Variants in HPCAL1 observed in about 807,000 individuals in gnomAD.
HPCAL1 encodes the protein hippocalcin like 1, also known as hippocalcin-like protein 1.
A neutral mutation model predicts 17.1 loss-of-function variants in HPCAL1; 8 were observed. The ratio of observed to expected loss-of-function variants is 0.47; its 90% CI spans 0.27 to 0.84. HPCAL1 has a LOEUF of 0.84. Among genes scored for constraint, HPCAL1 ranks in the 40% least tolerant of loss-of-function variants. The pLI is 0.13. For synonymous variants in HPCAL1, 112 were observed against 111.4 expected (o/e 1.01, Z -0.03); for missense variants, 165 against 271.1 (o/e 0.61, Z 2.75).
intron 1 of HPCAL1, among the ~76,000 whole-genome samples, chr2:10,340,447 G>T (rs1665005962): frequency 6.6e-6 from 1 of 152,164 alleles, no homozygotes; most frequent in Admixed American, 6.5e-5. Context: ...TTATTAATGT[G>T]CCTTTAACGT....
intron 1 of HPCAL1, among the ~76,000 whole-genome samples, chr2:10,381,350 C>T (rs558863461): frequency 1.5e-4 from 23 of 152,340 alleles, no homozygotes; most frequent in African/African-American, 2.4e-4. Context: ...TCTCCCTTCC[C>T]GCTGTGTGGC....
intron 1 of HPCAL1, among the ~76,000 whole-genome samples, chr2:10,353,859 G>A (rs1021314864): frequency 1.3e-5 from 2 of 152,182 alleles, no homozygotes; most frequent in African/African-American, 2.4e-5. Flanking sequence ...ACCACACCTG[G>A]TCTCAAATAA....
intron 2 of HPCAL1, among the ~76,000 whole-genome samples, chr2:10,415,701 A>T (rs1280455090): frequency 3.3e-5 from 5 of 152,134 alleles, no homozygotes; most frequent in Non-Finnish European, 7.4e-5. Flanking sequence ...CCACCCTGCC[A>T]TCCCTGTTAT....
In HPCAL1 at chr2:10,331,420, C is replaced by T. The variant is rs551886969; in HGVS notation, c.-111+28243C>T. On this transcript the variant is annotated intron_variant, in intron 1 of 4. Transcript: ENST00000307845. This position sits in a 1 kb window ranked among gnomAD's most constrained non-coding sequence, Gnocchi z 5.0. ...AGTTCTGCAGGCACGGGGCTGGCTC[C>T]TTTCTTCATGTCCCTTGTCCCACAG... Among the ~76,000 whole-genome samples the T allele has an allele frequency of 1.8e-3, 276 of 152,360 alleles. 1 individual carries two copies. Among genetic ancestry groups the T allele is most frequent in the African/African-American group, 6.3e-3 (262 of 41,590 alleles).
intron 1 of HPCAL1, among the ~76,000 whole-genome samples, chr2:10,360,575 C>T (rs1000121203): frequency 2.6e-5 from 4 of 152,116 alleles, no homozygotes; most frequent in African/African-American, 9.7e-5. Flanking sequence ...CCACACCTGG[C>T]AAAATTTTTG....
chr2:10,427,164 C>T lies in HPCAL1; in HGVS notation c.*343C>T, dbSNP rs1289617873. The T allele has an allele frequency of 2.3e-5, 6 of 260,622 alleles. No homozygotes were observed. Among genetic ancestry groups the T allele is most frequent in the South Asian group, 5.1e-5 (1 of 19,746 alleles). 16.1% of individuals were successfully genotyped at this position (260,622 alleles called of 1,614,324 possible). A position where few individuals can be genotyped will look rare whatever the true frequency, so the allele number is the denominator to read the frequency against. Reference sequence around the variant, plus strand: ...GGACCTCCCGAGGCTGCGCCCCGGCCGGCCCATGCGTTTTGTGATCCCAAG... The same window carrying T: ...GGACCTCCCGAGGCTGCGCCCCGGCTGGCCCATGCGTTTTGTGATCCCAAG... On this transcript the variant is annotated 3_prime_UTR_variant, in exon 5 of 5. Transcript: ENST00000307845.
rs575953389 is a variant in HPCAL1, at chr2:10,368,218, C to T, written c.-110-28617C>T. ...GTGCATACGTGTGTGTAGGGGTGTG[C>T]GTGTGTACACATATGCATGTGTGTG... On this transcript the variant is annotated intron_variant, in intron 1 of 4. Transcript: ENST00000307845. 5.5e-3 allele frequency among the ~76,000 whole-genome samples: 728 copies of T among 133,564 alleles called. 37 individuals carry two copies. The highest frequency in any genetic ancestry group is 1.0e-3 in the Non-Finnish European group (63 of 62,810). The allele number at this position is 133,564 out of a possible 152,430, so 87.6% of individuals were successfully genotyped here. A position where few individuals can be genotyped will look rare whatever the true frequency, so the allele number is the denominator to read the frequency against.
At chr2:10,380,150 C>T (rs2125535882) in intron 1 of HPCAL1, among the ~76,000 whole-genome samples, 1 of 152,326 alleles carries the variant, frequency 6.6e-6, no homozygotes, top group East Asian at 1.9e-4. Context: ...TTCCCTTGGC[C>T]ACAGTAGATT....
Position 10,333,623 on chromosome 2 carries a change from T to C in HPCAL1, c.-111+30446T>C, listed in dbSNP as rs140182336. 6.2e-3 allele frequency among the ~76,000 whole-genome samples: 949 copies of C among 152,364 alleles called. 11 individuals are homozygous for C. The highest frequency in any genetic ancestry group is 0.021 in the African/African-American group (882 of 41,586). On this transcript the variant is annotated intron_variant, in intron 1 of 4. Transcript: ENST00000307845. ...TGTTCAGCTGTGGCCATTTTGGCTT[T>C]GAGTTTGATTTGATTTTTGAAGAAA...
Position 10,310,090 on chromosome 2 carries a change from A to C in HPCAL1, c.-111+6913A>C, listed in dbSNP as rs1046269592. Among the ~76,000 whole-genome samples, 23 of 152,188 alleles carry C rather than the reference A, an allele frequency of 1.5e-4. No homozygotes were observed. Among genetic ancestry groups the C allele is most frequent in the Non-Finnish European group, 3.2e-4 (22 of 68,030 alleles). ...TCTCTGAATCTGTTTGCTCAGGTGC[A>C]GAAAGGGGTTTTAGGCTGAGCTCAG... is the stretch of plus-strand genomic sequence containing the variant. On this transcript the variant is annotated intron_variant, in intron 1 of 4. Transcript: ENST00000307845. This position sits in a 1 kb window ranked among gnomAD's most constrained non-coding sequence, Gnocchi z 4.5.
chr2:10,382,513 A>G (rs1668018641), intron 1 of HPCAL1, among the ~76,000 whole-genome samples: 1 of 151,262 alleles, frequency 6.6e-6, no homozygotes, highest in African/African-American at 2.4e-5. Context: ...TAGGGAGGGC[A>G]GGAGGTATGT....
At chr2:10,350,319 CTTTT>C (rs34432791) in intron 1 of HPCAL1, among the ~76,000 whole-genome samples, 15 of 130,178 alleles carry the variant, frequency 1.2e-4, no homozygotes, top group Admixed American at 1.6e-4. Context: ...AATCTATGTC[CTTTT>C]TTTTTTTTTT....
chr2:10,319,002 C>T (rs1663501427), intron 1 of HPCAL1, among the ~76,000 whole-genome samples: 2 of 152,314 alleles, frequency 1.3e-5, no homozygotes, highest in Admixed American at 1.3e-4. Context: ...CCACAGCCTC[C>T]CTTTCGCAGG....
chr2:10,385,097 CAAAA>C (rs34671924), intron 1 of HPCAL1, among the ~76,000 whole-genome samples: 1 of 140,698 alleles, frequency 7.1e-6, no homozygotes, highest in Non-Finnish European at 1.6e-5. Flanking sequence ...GACTCCGTCT[CAAAA>C]AAAAAAAAAA....
intron 2 of HPCAL1, among the ~76,000 whole-genome samples, chr2:10,407,785 G>C (rs1558525718): frequency 6.6e-6 from 1 of 152,214 alleles, no homozygotes; most frequent in Non-Finnish European, 1.5e-5. Flanking sequence ...GCTGGAACAC[G>C]CTGAGCAGCT....
At chr2:10,403,083 T>C (rs1041768760) in intron 2 of HPCAL1, among the ~76,000 whole-genome samples, 2 of 152,150 alleles carry the variant, frequency 1.3e-5, no homozygotes, top group Admixed American at 6.5e-5. Context: ...AGCAGGGACC[T>C]GGCAGAAATG....
chr2:10,331,691 T>TTCCCCC lies in HPCAL1; in HGVS notation c.-111+28515_-111+28520dup, dbSNP rs1318928494. Among the ~76,000 whole-genome samples the TTCCCCC allele has an allele frequency of 6.6e-6, 1 of 152,170 alleles. No homozygotes were observed. Among genetic ancestry groups the TTCCCCC allele is most frequent in the Non-Finnish European group, 1.5e-5 (1 of 68,014 alleles). On this transcript the variant is annotated intron_variant, in intron 1 of 4. Coordinates refer to ENST00000307845, the MANE Select transcript of HPCAL1 (RefSeq NM_002149.4). The surrounding 1 kb of genome is among the most constrained non-coding windows in gnomAD (Gnocchi z 5.0). ...CCCGGCTGTCAGAGGCATCTGTCTC[T>TTCCCCC]TCCCCCGCATGCATCTTTCTCCCCG...
chr2:10,339,149 A>G (rs1157812242), intron 1 of HPCAL1, among the ~76,000 whole-genome samples: 1 of 152,002 alleles, frequency 6.6e-6, no homozygotes, highest in Non-Finnish European at 1.5e-5. Context: ...TTTTATGTAT[A>G]TTTGAAAAAA....
intron 1 of HPCAL1, among the ~76,000 whole-genome samples, chr2:10,315,186 G>A (rs933214617): frequency 4.6e-5 from 7 of 152,056 alleles, no homozygotes; most frequent in South Asian, 2.1e-4. Context: ...CCAGCTACAC[G>A]GGAGGCTGAG....
Sources: allele counts gnomAD v4.1 joint callset (sites outside exome capture counted in the v4.1 genomes callset), GRCh38; gene constraint gnomAD v4.1.1; non-coding constraint Gnocchi (gnomAD v3.1); transcripts MANE v1.5; gene names NCBI Gene and HGNC (gene_info 2026-07-23, HGNC 2026-07-21).